The following DLG2 variants were observed in gnomAD, a reference collection of about 807,000 sequenced individuals.
DLG2 encodes the protein discs large MAGUK scaffold protein 2, also known as disks large homolog 2.
A neutral mutation model predicts 132.5 loss-of-function variants in DLG2; 45 were observed. That is an observed-to-expected ratio of 0.34 (90% confidence interval 0.27 to 0.44). The LOEUF (loss-of-function observed/expected upper bound fraction) is 0.44. Among genes scored for constraint, DLG2 ranks in the 20% least tolerant of loss-of-function variants. DLG2 has a pLI of 1.00. For missense variants in DLG2, 1,045 were observed against 1,196.9 expected (o/e 0.87, Z 1.87); for synonymous variants, 424 against 419.6 (o/e 1.01, Z -0.13).
intron 5 of DLG2, among the ~76,000 whole-genome samples, chr11:85,125,820 C>T (rs1357823165): frequency 1.3e-5 from 2 of 150,410 alleles, no homozygotes; most frequent in Non-Finnish European, 3.0e-5. Flanking sequence ...CACACACACA[C>T]ACACACACAC....
At chr11:83,480,260 T>A in intron 22 of DLG2, 2 of 860,328 alleles carry the variant, frequency 2.3e-6, no homozygotes, top group South Asian at 3.0e-5. Context: ...TTGCTTTGAA[T>A]ACAGATGATA....
intron 6 of DLG2, among the ~76,000 whole-genome samples, chr11:84,621,055 TAATA>T (rs1448797236): frequency 1.3e-5 from 2 of 152,034 alleles, no homozygotes. Flanking sequence ...TTAAAAGCAT[TAATA>T]AATGAGAAAA....
At chr11:84,823,803 T>C (rs946564741) in intron 6 of DLG2, among the ~76,000 whole-genome samples, 1 of 151,914 alleles carries the variant, frequency 6.6e-6, no homozygotes, top group Admixed American at 6.6e-5. Flanking sequence ...GTCTAGCTCA[T>C]AGTAGATACT....
At chr11:84,264,102 C>G (rs1296335813) in intron 7 of DLG2, among the ~76,000 whole-genome samples, 1 of 152,076 alleles carries the variant, frequency 6.6e-6, no homozygotes, top group African/African-American at 2.4e-5. Context: ...AGAAAAATAA[C>G]AGATAAAAAG....
chr11:84,790,142 GT>G (rs1257576897), intron 6 of DLG2, among the ~76,000 whole-genome samples: 3 of 151,902 alleles, frequency 2.0e-5, no homozygotes, highest in South Asian at 2.1e-4. Flanking sequence ...TCTATATTTA[GT>G]TTTTTTTAGG....
chr11:84,062,750 T>C (rs2096611088), intron 10 of DLG2, among the ~76,000 whole-genome samples: 1 of 151,208 alleles, frequency 6.6e-6, no homozygotes, highest in Non-Finnish European at 1.5e-5. Flanking sequence ...TTTTTTTTAA[T>C]GGTGGTGTTT....
rs567152935 is a variant in DLG2, at chr11:83,559,121, G to A, written c.1941-17263C>T. Reference sequence around the variant, plus strand: ...AGCCTAGAAGAATGAATACAAGTTGGCCAAAGAAAGATGAAAATAAAAGCA... The same window carrying A: ...AGCCTAGAAGAATGAATACAAGTTGACCAAAGAAAGATGAAAATAAAAGCA... On this transcript the variant is annotated intron_variant, in intron 19 of 27. Transcript: ENST00000376104. Among the ~76,000 whole-genome samples the A allele has an allele frequency of 2.0e-5, 3 of 152,134 alleles. No homozygotes were observed. The East Asian group carries it at 5.8e-4, about 29-fold the overall frequency.
intron 8 of DLG2, among the ~76,000 whole-genome samples, chr11:84,209,307 C>T (rs1208418295): frequency 1.3e-5 from 2 of 151,980 alleles, no homozygotes; most frequent in African/African-American, 4.8e-5. Context: ...TAATCAAGGT[C>T]GCAAGAAATA....
chr11:85,522,628 T>A (rs1020721636), intron 3 of DLG2, among the ~76,000 whole-genome samples: 1 of 152,216 alleles, frequency 6.6e-6, no homozygotes, highest in Non-Finnish European at 1.5e-5. Context: ...CCCAAGGCCA[T>A]GGGAGCCCAC....
intron 21 of DLG2, among the ~76,000 whole-genome samples, chr11:83,502,778 G>A (rs2094502509): frequency 6.6e-6 from 1 of 152,044 alleles, no homozygotes; most frequent in South Asian, 2.1e-4. Flanking sequence ...CCTGTGTAAG[G>A]AAATTACCCT....
intron 18 of DLG2, among the ~76,000 whole-genome samples, chr11:83,779,648 A>G (rs547302632): frequency 1.3e-5 from 2 of 152,184 alleles, no homozygotes; most frequent in Non-Finnish European, 2.9e-5. Context: ...AGCTATACCA[A>G]TTTTAAAATA....
intron 4 of DLG2, among the ~76,000 whole-genome samples, chr11:85,205,974 A>T (rs2081858971): frequency 6.6e-6 from 1 of 151,956 alleles, no homozygotes; most frequent in African/African-American, 2.4e-5. Context: ...TGTCACCCCC[A>T]CCCTCAAATC....
At position 84,393,619 on chromosome 11, in the gene DLG2, T is replaced by C. The variant is rs147997036; in HGVS notation, c.519+140951A>G. On this transcript the variant is annotated intron_variant, in intron 7 of 27. Transcript: ENST00000376104. Reference sequence around the variant, plus strand: ...TAGCAGTAGTTTCAATAATGTTTAATACAGGAAGCTACATATTTGGCTTTC... The same window carrying C: ...TAGCAGTAGTTTCAATAATGTTTAACACAGGAAGCTACATATTTGGCTTTC... Among the ~76,000 whole-genome samples the C allele has an allele frequency of 3.7e-3, 558 of 152,300 alleles. 1 individual carries two copies. The highest frequency in any genetic ancestry group is 0.012 in the African/African-American group (519 of 41,580).
intron 8 of DLG2, among the ~76,000 whole-genome samples, chr11:84,226,675 C>A (rs941592296): frequency 6.6e-6 from 1 of 152,008 alleles, no homozygotes; most frequent in African/African-American, 2.4e-5. Context: ...ATCAAAAAAA[C>A]AAAAATAAAA....
intron 3 of DLG2, among the ~76,000 whole-genome samples, chr11:85,503,930 T>A (rs2093865417): frequency 6.6e-6 from 1 of 152,004 alleles, no homozygotes; most frequent in Non-Finnish European, 1.5e-5. Flanking sequence ...AGACCCTGTC[T>A]CAAGAAGGAG....
chr11:83,982,841 C>T (rs1052835538), intron 11 of DLG2, among the ~76,000 whole-genome samples: 1 of 152,006 alleles, frequency 6.6e-6, no homozygotes, highest in East Asian at 1.9e-4. Flanking sequence ...TTATTTTTTA[C>T]TGTACTTTTT....
At chr11:84,341,760 A>G (rs1294425788) in intron 7 of DLG2, among the ~76,000 whole-genome samples, 1 of 152,254 alleles carries the variant, frequency 6.6e-6, no homozygotes, top group Non-Finnish European at 1.5e-5. Flanking sequence ...TTGGTAGTGA[A>G]GTATCAATCA....
At chr11:84,798,665 T>C (rs2074988901) in intron 6 of DLG2, among the ~76,000 whole-genome samples, 1 of 152,178 alleles carries the variant, frequency 6.6e-6, no homozygotes, top group Admixed American at 6.5e-5. Flanking sequence ...TGGTGTTCTA[T>C]CCTACTGTAG....
intron 7 of DLG2, among the ~76,000 whole-genome samples, chr11:84,423,618 AT>A (rs1396040132): frequency 6.6e-6 from 1 of 152,182 alleles, no homozygotes; most frequent in Non-Finnish European, 1.5e-5. Flanking sequence ...TGAATAGGCC[AT>A]GTTCACCATC....
Sources: allele counts gnomAD v4.1 joint callset (sites outside exome capture counted in the v4.1 genomes callset), GRCh38; gene constraint gnomAD v4.1.1; transcripts MANE v1.5; gene names NCBI Gene and HGNC (gene_info 2026-07-23, HGNC 2026-07-21).